The following MTERF4 variants were observed in gnomAD, a reference collection of about 807,000 sequenced individuals.
MTERF4 encodes mitochondrial transcription termination factor 4.
Under a neutral mutation model 22.5 loss-of-function variants are expected in MTERF4, and 17 were observed. That is an observed-to-expected ratio of 0.75 (90% CI 0.52 to 1.13). The LOEUF (loss-of-function observed/expected upper bound fraction) is 1.13, where lower values mean the gene tolerates loss of function less well. MTERF4 is among the 50% of genes most tolerant of loss of function. The pLI is 0.00. For synonymous variants in MTERF4, 165 were observed against 175.3 expected (o/e 0.94, Z 0.47); for missense variants, 420 against 466.8 (o/e 0.90, Z 0.92).
chr2:241,082,457 G>A, downstream of MTERF4: 1 of 884,176 alleles, frequency 1.1e-6, no homozygotes, highest in Non-Finnish European at 1.8e-6. Flanking sequence ...TAACCCTGAG[G>A]AGGGACGATG....
downstream of MTERF4, among the ~76,000 whole-genome samples, chr2:241,089,600 G>A (rs1427341742): frequency 6.6e-6 from 1 of 152,174 alleles, no homozygotes; most frequent in Non-Finnish European, 1.5e-5. Context: ...AGAGTAGCCG[G>A]CAGCATTCAC....
the MTERF4 span, among the ~76,000 whole-genome samples, chr2:241,053,761 A>T: frequency 8.0e-3 from 1,220 of 152,298 alleles, 18 homozygotes; most frequent in African/African-American, 0.027. Flanking sequence ...GCTGCTCCAG[A>T]GAGCATTGCC....
chr2:241,047,671 C>G, the MTERF4 span, among the ~76,000 whole-genome samples: 2 of 152,270 alleles, frequency 1.3e-5, no homozygotes, highest in Non-Finnish European at 2.9e-5. Context: ...ATAGGGATGC[C>G]TGACCAGAAA....
chr2:241,073,484 G>A lies in MTERF4; in HGVS notation n.2678C>T, dbSNP rs1261763499. 6.0e-6 allele frequency: 5 copies of A among 833,734 alleles called. No individual in the cohort carries two copies. The highest frequency in any genetic ancestry group is 1.0e-5 in the Non-Finnish European group (5 of 498,626). The allele number at this position is 833,734 out of a possible 1,614,324, so 51.6% of individuals were successfully genotyped here. ...ATCAGGAGGCACAGAGCCTACCTGA[G>A]GGGAGGCTGAGCACCAGGCACCCCG... is the stretch of plus-strand genomic sequence containing the variant. On this transcript the variant is annotated non_coding_transcript_exon_variant, in exon 5 of 5. Coordinates refer to the MTERF4 transcript ENST00000464344. The surrounding 1 kb of genome is among the most constrained non-coding windows in gnomAD (Gnocchi z 6.6).
downstream of MTERF4, chr2:241,088,496 C>T (rs902001242): frequency 3.9e-6 from 4 of 1,025,138 alleles, no homozygotes; most frequent in African/African-American, 6.3e-5. Flanking sequence ...CCGCTGCCTG[C>T]TTACTCAGCA....
intron 4 of MTERF4, among the ~76,000 whole-genome samples, chr2:241,078,151 G>C (rs150415305): frequency 2.6e-5 from 4 of 152,134 alleles, no homozygotes; most frequent in African/African-American, 9.7e-5. Context: ...TTGGGAGGCC[G>C]AGGCGGGCAG....
chr2:241,090,141 C>T, downstream of MTERF4: 1 of 1,476,652 alleles, frequency 6.8e-7, no homozygotes, highest in Admixed American at 2.4e-5. Context: ...GCTTAAAATA[C>T]AAACACACTG....
downstream of MTERF4, chr2:241,088,674 A>C: frequency 2.1e-6 from 1 of 465,944 alleles, no homozygotes; most frequent in South Asian, 3.7e-5. Flanking sequence ...CTCTCTCTCA[A>C]GGGAAATGTG....
chr2:241,101,319 G>A (rs1353416405), intron 1 of MTERF4: 4 of 344,676 alleles, frequency 1.2e-5, no homozygotes, highest in Admixed American at 7.2e-5. Context: ...AATAGGGTTC[G>A]CGCTCCAGTG....
At chr2:241,070,430 T>G (rs970625705), downstream of MTERF4, among the ~76,000 whole-genome samples, 1 of 152,212 alleles carries the variant, frequency 6.6e-6, no homozygotes, top group Non-Finnish European at 1.5e-5. Flanking sequence ...AATAAGCACA[T>G]TGAGCCTCAG....
At chr2:241,045,627 A>G in the MTERF4 span, among the ~76,000 whole-genome samples, 1 of 152,124 alleles carries the variant, frequency 6.6e-6, no homozygotes, top group Non-Finnish European at 1.5e-5. Context: ...CTTCAACCTC[A>G]CACCTTATAC....
chr2:241,049,922 A>G, the MTERF4 span: 2 of 1,613,306 alleles, frequency 1.2e-6, no homozygotes, highest in Non-Finnish European at 1.7e-6. Context: ...CACGGCAAGC[A>G]CTGCGAGAAA....
rs2064372680 is a variant in MTERF4 at position 241,095,798 on chromosome 2, A to G, written c.*200T>C. On this transcript the variant is annotated 3_prime_UTR_variant, in exon 4 of 4. Transcript: ENST00000391980. ...GCCCTCCCCACAGACACGTGACAAC[A>G]GATCAAACATGCATTTCCTGTTTCC... 1.1e-6 allele frequency: 1 copy of G among 932,014 alleles called. No homozygotes were observed. Among genetic ancestry groups the G allele is most frequent in the Admixed American group, 2.5e-5 (1 of 39,388 alleles). The allele number at this position is 932,014 out of a possible 1,614,324, so 57.7% of individuals were successfully genotyped here.
chr2:241,048,981 A>G, the MTERF4 span: 1 of 1,529,114 alleles, frequency 6.5e-7, no homozygotes, highest in South Asian at 1.2e-5. Context: ...CTGCTGGAAG[A>G]CATGTGGAAT....
At chr2:241,071,954 C>A, downstream of MTERF4, 1 of 1,216,188 alleles carries the variant, frequency 8.2e-7, no homozygotes. Context: ...GGTCCTGTCC[C>A]CTACATGATG....
downstream of MTERF4, chr2:241,082,205 G>A: frequency 7.8e-7 from 1 of 1,285,232 alleles, no homozygotes; most frequent in Non-Finnish European, 1.1e-6. Context: ...TCTCCCTTGG[G>A]CAAGGCCTCT....
chr2:241,055,953 T>C, the MTERF4 span, among the ~76,000 whole-genome samples: 6 of 152,232 alleles, frequency 3.9e-5, no homozygotes, highest in Admixed American at 3.9e-4. Flanking sequence ...CTACTCAGCT[T>C]CGCTACCTAG....
the MTERF4 span, among the ~76,000 whole-genome samples, chr2:241,057,380 AATATATATATAT>A: frequency 2.0e-3 from 238 of 118,106 alleles, 9 homozygotes; most frequent in African/African-American, 8.4e-3. Context: ...TCCATCTCAA[AATATATATATAT>A]ATATATATAT....
At position 241,099,737 on chromosome 2, in the gene MTERF4, G is replaced by T. The variant is rs764065678; in HGVS notation, c.179C>A (p.Ser60Tyr). 2.5e-6 allele frequency: 4 copies of T among 1,613,998 alleles called. No individual in the cohort carries two copies. The African/African-American group carries it at 4.0e-5, about 16-fold the overall frequency. ...CTCTGGTTCCTGCACATAGTTATTG[G>T]ATCTAACACAAGATAACTCCTCAAT... ...GVIEELSCVR[S>Y]NNYVQEPECR... Residue 60 changes from serine to tyrosine, a missense_variant, in exon 2 of 4, where the codon TCC becomes TAC. Transcript: ENST00000391980.
Sources: allele counts gnomAD v4.1 joint callset (sites outside exome capture counted in the v4.1 genomes callset), GRCh38; gene constraint gnomAD v4.1.1; non-coding constraint Gnocchi (gnomAD v3.1); transcripts MANE v1.5; gene names NCBI Gene and HGNC (gene_info 2026-07-23, HGNC 2026-07-21).